ANKRD12: variants seen among roughly 807,000 people sequenced by gnomAD.
ANKRD12 encodes the protein ankyrin repeat domain 12, also known as ankyrin repeat domain-containing protein 12.
ANKRD12 carries 85 observed loss-of-function variants against 183.4 expected under a neutral mutation model. The observed-to-expected ratio is 0.46, with a 90% CI of 0.39 to 0.56. The LOEUF is 0.56. Among genes scored for constraint, ANKRD12 ranks in the 20% least tolerant of loss-of-function variants. The pLI is 0.00. For missense variants in ANKRD12, 2,405 were observed against 2,357.1 expected (o/e 1.02, Z -0.42); for synonymous variants, 914 against 800.2 (o/e 1.14, Z -2.40).
chr18:9,259,726 G>A (rs2038857844), intron 9 of ANKRD12: 1 of 152,102 alleles, frequency 6.6e-6, no homozygotes, highest in South Asian at 2.1e-4. Context: ...GCACAATATA[G>A]TAGAAAGCAC....
chr18:9,195,142 A>G (rs1408423693), intron 2 of ANKRD12, among the ~76,000 whole-genome samples: 1 of 152,170 alleles, frequency 6.6e-6, no homozygotes, highest in African/African-American at 2.4e-5. Flanking sequence ...TTGAGTACAC[A>G]TGGACATGAA....
At chr18:9,238,592 A>G (rs750871352) in intron 8 of ANKRD12, among the ~76,000 whole-genome samples, 1 of 152,130 alleles carries the variant, frequency 6.6e-6, no homozygotes, top group Non-Finnish European at 1.5e-5. Context: ...CAATTATTCA[A>G]CAGCTGTTTT....
At chr18:9,264,956 A>G (rs1036597179) in intron 10 of ANKRD12, among the ~76,000 whole-genome samples, 1 of 152,238 alleles carries the variant, frequency 6.6e-6, no homozygotes, top group Non-Finnish European at 1.5e-5. Flanking sequence ...CCCACTGAGC[A>G]AACGGCATAC....
At chr18:9,140,600 A>G (rs2078281739) in intron 1 of ANKRD12, among the ~76,000 whole-genome samples, 1 of 152,218 alleles carries the variant, frequency 6.6e-6, no homozygotes, top group African/African-American at 2.4e-5. Flanking sequence ...GACTCTTGCT[A>G]GTTTTCAGGT....
intron 8 of ANKRD12, among the ~76,000 whole-genome samples, chr18:9,232,568 CTT>C (rs755685520): frequency 3.3e-5 from 5 of 152,282 alleles, no homozygotes; most frequent in Admixed American, 6.5e-5. Flanking sequence ...CTGTTATTGA[CTT>C]TAGACAGTTG....
intron 1 of ANKRD12, among the ~76,000 whole-genome samples, chr18:9,173,163 G>T (rs376184748): frequency 6.6e-5 from 10 of 150,760 alleles, no homozygotes; most frequent in Non-Finnish European, 1.3e-4. Flanking sequence ...TCCGCCTCCC[G>T]GGTTCAAGCC....
intron 8 of ANKRD12, among the ~76,000 whole-genome samples, chr18:9,224,187 C>T (rs969878645): frequency 1.3e-5 from 2 of 151,530 alleles, no homozygotes; most frequent in South Asian, 4.2e-4. Flanking sequence ...GATAGAACCA[C>T]AAAAGTTATA....
intron 9 of ANKRD12, among the ~76,000 whole-genome samples, chr18:9,262,899 A>G (rs2039063982): frequency 6.9e-6 from 1 of 145,210 alleles, no homozygotes. Flanking sequence ...CCTGAGTTCA[A>G]GCAATTTTCC....
chr18:9,181,284 T>A (rs190807602), intron 1 of ANKRD12, among the ~76,000 whole-genome samples: 3 of 152,338 alleles, frequency 2.0e-5, no homozygotes, highest in East Asian at 3.9e-4. Context: ...TAAGGGATTT[T>A]TGGTTTCGTT....
In ANKRD12 at chr18:9,254,424, G is replaced by T. The variant is rs747330128; in HGVS notation, c.1157G>T (p.Arg386Leu). 1.9e-6 allele frequency: 3 copies of T among 1,584,604 alleles called. No homozygotes were observed. Among genetic ancestry groups the T allele is most frequent in the East Asian group, 2.3e-5 (1 of 44,242 alleles). Reference protein sequence around the residue: ...DDRHILRKEQRKENEPEAEKT... With the variant: ...DDRHILRKEQLKENEPEAEKT... ...AGGCATATTCTTAGGAAAGAACAAC[G>T]AAAAGAAAATGAACCTGAAGCAGAA... Residue 386 changes from arginine to leucine, a missense_variant, in exon 9 of 13, where the codon CGA becomes CTA. By Grantham distance (102) the Arg-to-Leu change is moderately radical. Around this residue, in one of 7 missense-constraint regions of ANKRD12, gnomAD observed 1,983 missense variants for 1,725.9 expected, o/e 1.15. Coordinates refer to ENST00000262126, the MANE Select transcript of ANKRD12 (RefSeq NM_015208.5).
intron 1 of ANKRD12, among the ~76,000 whole-genome samples, chr18:9,143,514 G>T (rs1335899367): frequency 2.6e-5 from 4 of 152,180 alleles, no homozygotes; most frequent in Admixed American, 2.6e-4. Flanking sequence ...AGGCTGGAGT[G>T]TAAAGGCATG....
intron 8 of ANKRD12, among the ~76,000 whole-genome samples, chr18:9,240,323 T>G (rs1014258067): frequency 1.3e-5 from 2 of 152,198 alleles, no homozygotes; most frequent in African/African-American, 2.4e-5. Context: ...ACTTCTGCCT[T>G]TTTCCATTAG....
chr18:9,197,069 A>T (rs80020988), intron 3 of ANKRD12, among the ~76,000 whole-genome samples: 1,968 of 152,294 alleles, frequency 0.013, 49 homozygotes, highest in African/African-American at 0.046. Flanking sequence ...ATGGATTTTG[A>T]TAAATTCAAA....
intron 1 of ANKRD12, among the ~76,000 whole-genome samples, chr18:9,167,066 A>G (rs1484948138): frequency 7.9e-5 from 12 of 151,610 alleles, no homozygotes; most frequent in Non-Finnish European, 4.4e-5. Flanking sequence ...GTTCTGTTCC[A>G]TTGGTCTATA....
intron 1 of ANKRD12, among the ~76,000 whole-genome samples, chr18:9,137,394 G>A (rs1240865279): frequency 6.8e-6 from 1 of 146,516 alleles, no homozygotes; most frequent in Non-Finnish European, 1.5e-5. Flanking sequence ...GCCGCCTCCC[G>A]GAACATGGCG....
intron 11 of ANKRD12, among the ~76,000 whole-genome samples, chr18:9,277,777 G>T (rs1287119182): frequency 1.5e-5 from 2 of 132,118 alleles, no homozygotes; most frequent in African/African-American, 5.7e-5. Context: ...AAACATATTG[G>T]TAATCAAATA....
At chr18:9,204,323 T>G (rs1230430204) in intron 3 of ANKRD12, among the ~76,000 whole-genome samples, 153 bp from the exon 4 acceptor site, 1 of 152,262 alleles carries the variant, frequency 6.6e-6, no homozygotes, top group Non-Finnish European at 1.5e-5. Context: ...ACCTGTGTTT[T>G]AAATATAATT....
chr18:9,228,961 TAATTCATTTTG>T (rs1233231075), intron 8 of ANKRD12, among the ~76,000 whole-genome samples: 2 of 152,096 alleles, frequency 1.3e-5, no homozygotes, highest in African/African-American at 4.8e-5. Flanking sequence ...TTTAAGTCTT[TAATTCATTTTG>T]AGTTGACTTT....
In ANKRD12 at chr18:9,203,001, T is replaced by C. The variant is rs573896562; in HGVS notation, c.236-1475T>C. 1.4e-4 allele frequency among the ~76,000 whole-genome samples: 22 copies of C among 152,362 alleles called. No individual in the cohort carries two copies. The South Asian group carries it at 2.3e-3, about 16-fold the overall frequency. On this transcript the variant is annotated intron_variant, in intron 3 of 12. Coordinates refer to ENST00000262126, the MANE Select transcript of ANKRD12 (RefSeq NM_015208.5). ...TGTGGTTTAATCTATTAAAATAATA[T>C]CTGCTTTCAATAATTCATTTAATCC... is the stretch of plus-strand genomic sequence containing the variant.
Sources: gnomAD v4.1 joint callset for allele counts (sites outside exome capture counted in the v4.1 genomes callset) on GRCh38, gnomAD v4.1.1 for gene constraint, gnomAD v4.1.1 regional missense constraint, MANE v1.5 for transcripts, NCBI Gene and HGNC (gene_info 2026-07-23, HGNC 2026-07-21) for gene names.